The following PRH2 variants were observed in gnomAD, a reference collection of about 807,000 sequenced individuals.
The protein encoded by PRH2 is proline rich protein HaeIII subfamily 2, also known as salivary acidic proline-rich phosphoprotein 1/2.
PRH2 carries 19 observed loss-of-function variants against 22.6 expected under a neutral mutation model. The observed-to-expected ratio is 0.84, with a 90% confidence interval of 0.59 to 1.23. PRH2 has a LOEUF of 1.23. Ranked by LOEUF, PRH2 falls within the 50% of genes most tolerant of loss-of-function variation. The probability of loss-of-function intolerance (pLI) is 0.00; values close to 1 mark genes in which losing one functional copy is unlikely to be tolerated. For missense variants in PRH2, 109 were observed against 203.0 expected, an observed-to-expected ratio of 0.54 and a Z score of 2.81; for synonymous variants, 45 against 72.0, an observed-to-expected ratio of 0.63 and a Z score of 1.90.
chr12:10,932,356 ACT>A lies in PRH2; in HGVS notation c.*152_*153del, dbSNP rs1950226161. 3.5e-6 allele frequency: 1 copy of A among 284,634 alleles called. No individual in the cohort carries two copies. Among genetic ancestry groups the A allele is most frequent in the Non-Finnish European group, 8.0e-6 (1 of 125,668 alleles). 17.6% of individuals were successfully genotyped at this position (284,634 alleles called of 1,614,324 possible). On this transcript the variant is annotated 3_prime_UTR_variant, in exon 4 of 4. Coordinates refer to ENST00000396400, the MANE Select transcript of PRH2 (RefSeq NM_001110213.1). ...TAGCATCTCCTTCTGAGTGTTTGGG[ACT>A]CTGGAATCTGAGACCCATGTTCACA... is the stretch of plus-strand genomic sequence containing the variant.
In PRH2 at chr12:10,932,702, A is replaced by G. The variant is rs1331481492; in HGVS notation, c.*495A>G. On this transcript the variant is annotated 3_prime_UTR_variant, in exon 4 of 4. Coordinates refer to ENST00000396400, the MANE Select transcript of PRH2 (RefSeq NM_001110213.1). ...GCCTGTATTCCCCAGAAGCCACTAG[A>G]CCTATTTTCCCCTATTTTATCACTG... 6.6e-6 allele frequency among the ~76,000 whole-genome samples: 1 copy of G among 152,014 alleles called. No individual in the cohort carries two copies. Among genetic ancestry groups the G allele is most frequent in the Admixed American group, 6.6e-5 (1 of 15,262 alleles).
intron 1 of PRH2, 110 bp downstream of exon 1, chr12:10,929,447 G>A: frequency 7.4e-7 from 1 of 1,348,224 alleles, no homozygotes; most frequent in South Asian, 1.3e-5. Flanking sequence ...AGATAGGACT[G>A]AAGAGTTCTC....
At position 10,930,980 on chromosome 12, in the gene PRH2, C is replaced by A. The variant is rs1179430245; in HGVS notation, c.419C>A (p.Pro140Gln). The A allele has an allele frequency of 1.9e-6, 3 of 1,596,988 alleles. No individual in the cohort carries two copies. Among genetic ancestry groups the A allele is most frequent in the South Asian group, 2.3e-5 (2 of 88,548 alleles). The change falls in exon 3 of 4, where the codon CCA becomes CAA. Residue 140 changes from proline (P) to glutamine (Q), a missense_variant. This residue lies in a region of PRH2 where 41 missense variants were observed against 93.6 expected (regional missense o/e 0.44). Coordinates refer to ENST00000396400, the MANE Select transcript of PRH2 (RefSeq NM_001110213.1). ...QQGGHQQGPP[P>Q]PPPGKPQGPP... ...GGAGGCCATCAGCAAGGTCCTCCCC[C>A]ACCTCCTCCTGGAAAGCCCCAGGGA... is the stretch of plus-strand genomic sequence containing the variant.
intron 1 of PRH2, 63 bp from the exon 2 acceptor site, chr12:10,930,206 A>G (rs1444413185): frequency 6.4e-7 from 1 of 1,560,620 alleles, no homozygotes; most frequent in African/African-American, 1.4e-5. Context: ...TCCTCGTAGA[A>G]CACTATGAGC....
In PRH2 at chr12:10,929,354, G is replaced by C. The variant is rs1950168945; in HGVS notation, c.64+17G>C. 6.2e-7 allele frequency: 1 copy of C among 1,614,014 alleles called. No homozygotes were observed. Among genetic ancestry groups the C allele is most frequent in the South Asian group, 1.1e-5 (1 of 91,084 alleles). ...TAGATGAAGGTAAGCCGAATTGGGG[G>C]AAGATATTGTGACTCTGATTGGGGT... is the stretch of plus-strand genomic sequence containing the variant. On this transcript the variant is annotated intron_variant, in intron 1 of 3. Transcript: ENST00000396400.
chr12:10,930,663 T>C lies in PRH2; in HGVS notation c.102T>C (p.Asp34=), dbSNP rs1219262673. The change falls in exon 3 of 4, where the codon GAT becomes GAC. Residue 34 remains aspartate, a splice_region_variant and synonymous_variant. Transcript: ENST00000396400. Reference sequence around the variant, plus strand: ...CTCTTCTTGTTTCAACTCACACAGATGGAGGAGACTCTGAGCAGTTCATAG... The same window carrying C: ...CTCTTCTTGTTTCAACTCACACAGACGGAGGAGACTCTGAGCAGTTCATAG... ...SQEDVPLVIS[D]GGDSEQFIDE... 1.9e-6 allele frequency: 3 copies of C among 1,613,682 alleles called. No homozygotes were observed. The highest frequency in any genetic ancestry group is 1.3e-5 in the African/African-American group (1 of 74,872).
intron 3 of PRH2, among the ~76,000 whole-genome samples, chr12:10,931,550 T>A (rs1950213676): frequency 6.6e-6 from 1 of 152,184 alleles, no homozygotes; most frequent in South Asian, 2.1e-4. Context: ...AAGTCATACA[T>A]GCTTAAGCTA....
In PRH2 at chr12:10,933,877, T is replaced by C. The variant is rs1038384349; in HGVS notation, c.*1670T>C. On this transcript the variant is annotated 3_prime_UTR_variant, in exon 4 of 4. Coordinates refer to ENST00000396400, the MANE Select transcript of PRH2 (RefSeq NM_001110213.1). ...TAGATAAACAAGCACATAACAGAGA[T>C]ACATATATTCAAATGGAAGGAGTAA... Among the ~76,000 whole-genome samples, 2 of 152,060 alleles carry C rather than the reference T, an allele frequency of 1.3e-5. No homozygotes were observed. The highest frequency in any genetic ancestry group is 4.8e-5 in the African/African-American group (2 of 41,450).
chr12:10,934,127 G>A lies in PRH2; in HGVS notation c.*1920G>A, dbSNP rs1279422948. Among the ~76,000 whole-genome samples, 1 of 152,046 alleles carries A rather than the reference G, an allele frequency of 6.6e-6. No homozygotes were observed. The highest frequency in any genetic ancestry group is 2.4e-5 in the African/African-American group (1 of 41,414). ...AAAGGAACCAAAAGGCCTAGTCTTC[G>A]AATTTTTAATGCCATTGTGATAGCA... On this transcript the variant is annotated 3_prime_UTR_variant, in exon 4 of 4. Coordinates refer to ENST00000396400, the MANE Select transcript of PRH2 (RefSeq NM_001110213.1).
chr12:10,931,714 AC>A (rs1218064297), intron 3 of PRH2, among the ~76,000 whole-genome samples: 65 of 152,206 alleles, frequency 4.3e-4, no homozygotes, highest in African/African-American at 1.5e-3. Context: ...TTTTCCCACC[AC>A]TAATACCACA....
chr12:10,930,347 C>G, intron 2 of PRH2, 43 bp downstream of exon 2: 1 of 1,594,742 alleles, frequency 6.3e-7, no homozygotes, highest in Non-Finnish European at 8.6e-7. Context: ...CTCCATTTTT[C>G]CCTGAAAAAT....
In PRH2 at chr12:10,930,815, C is replaced by T. The variant is rs1467866246; in HGVS notation, c.254C>T (p.Pro85Leu). The T allele has an allele frequency of 6.2e-7, 1 of 1,613,698 alleles. No individual in the cohort carries two copies. Among genetic ancestry groups the T allele is most frequent in the African/African-American group, 1.3e-5 (1 of 74,888 alleles). Residue 85 changes from proline (P) to leucine (L), a missense_variant, in exon 3 of 4, where the codon CCA becomes CTA. Pro to Leu is a moderately conservative substitution (Grantham distance 98). Coordinates refer to ENST00000396400, the MANE Select transcript of PRH2 (RefSeq NM_001110213.1). ...GGAGGCCAGCAGCAACAAGGTCCAC[C>T]ACCTCCTCAGGGAAAGCCACAAGGA... ...QQGGQQQQGP[P>L]PPQGKPQGPP...
rs1004880507 is a variant in PRH2 at position 10,934,582 on chromosome 12, C to A, written c.*2375C>A. 4.0e-5 allele frequency among the ~76,000 whole-genome samples: 6 copies of A among 151,872 alleles called. No individual in the cohort carries two copies. The highest frequency in any genetic ancestry group is 1.5e-4 in the African/African-American group (6 of 41,346). On this transcript the variant is annotated 3_prime_UTR_variant, in exon 4 of 4. Coordinates refer to ENST00000396400, the MANE Select transcript of PRH2 (RefSeq NM_001110213.1). ...TCATCTATCACATGTACCTGTTATA[C>A]ATACTTATTAATTGGATGTGCAGTT...
At chr12:10,931,498 T>G (rs564302910) in intron 3 of PRH2, among the ~76,000 whole-genome samples, 1 of 152,232 alleles carries the variant, frequency 6.6e-6, no homozygotes, top group African/African-American at 2.4e-5. Flanking sequence ...GACTTTTAGC[T>G]GTTAAATGGT....
intron 1 of PRH2, among the ~76,000 whole-genome samples, chr12:10,930,023 C>G (rs1950180664): frequency 6.6e-6 from 1 of 151,980 alleles, no homozygotes; most frequent in African/African-American, 2.4e-5. Flanking sequence ...AGCACTAAGG[C>G]TTAAGGAATC....
intron 1 of PRH2, 51 bp downstream of exon 1, chr12:10,929,388 G>C (rs771661126): frequency 1.2e-6 from 2 of 1,606,780 alleles, no homozygotes; most frequent in Non-Finnish European, 1.7e-6. Context: ...GTTTACGGGC[G>C]AATGCTATAG....
Position 10,930,264 on chromosome 12 carries a change from T to A in PRH2, c.65-5T>A. 1 of 1,612,986 alleles carries A rather than the reference T, an allele frequency of 6.2e-7. No individual in the cohort carries two copies. The highest frequency in any genetic ancestry group is 8.5e-7 in the Non-Finnish European group (1 of 1,178,950). ...TTTTCCCATCATCCTGTACTTCTTT[T>A]CTAGATGTCAGCCAAGAAGACGTTC... On this transcript the variant is annotated splice_polypyrimidine_tract_variant and splice_region_variant and intron_variant, in intron 1 of 3. Coordinates refer to ENST00000396400, the MANE Select transcript of PRH2 (RefSeq NM_001110213.1).
chr12:10,929,587 A>G (rs992437149), intron 1 of PRH2, among the ~76,000 whole-genome samples: 5 of 152,126 alleles, frequency 3.3e-5, no homozygotes, highest in Non-Finnish European at 5.9e-5. Flanking sequence ...GCATTTATAG[A>G]GACATGGGAC....
intron 3 of PRH2, 162 bp downstream of exon 3, chr12:10,931,242 G>C (rs1950208262): frequency 7.0e-7 from 1 of 1,434,800 alleles, no homozygotes; most frequent in South Asian, 1.4e-5. Flanking sequence ...GCAAGATCTT[G>C]TTTTTAAACA....
Sources: gnomAD v4.1 joint callset for allele counts (sites outside exome capture counted in the v4.1 genomes callset) on GRCh38, gnomAD v4.1.1 for gene constraint, gnomAD v4.1.1 regional missense constraint, MANE v1.5 for transcripts, NCBI Gene and HGNC (gene_info 2026-07-23, HGNC 2026-07-21) for gene names.